Variants in MDM4 observed in about 807,000 individuals in gnomAD.
MDM4 encodes the protein MDM4 regulator of p53, also known as protein Mdm4.
A neutral mutation model predicts 60.2 loss-of-function variants in MDM4; 2 were observed. The ratio of observed to expected loss-of-function variants is 0.03; its 90% CI spans 0.01 to 0.10. The LOEUF (loss-of-function observed/expected upper bound fraction) is 0.10, where lower values mean the gene tolerates loss of function less well. Ranked by LOEUF, MDM4 falls within the 10% of genes least tolerant of loss-of-function variation. MDM4 has a pLI of 1.00. For synonymous variants in MDM4, 202 were observed against 198.1 expected (o/e 1.02, Z -0.17); for missense variants, 447 against 577.5 (o/e 0.77, Z 2.32).
intron 1 of MDM4, among the ~76,000 whole-genome samples, chr1:204,524,497 G>A (rs1659902603): frequency 1.3e-5 from 2 of 152,178 alleles, no homozygotes; most frequent in Non-Finnish European, 1.5e-5. Flanking sequence ...TCTATTTTCC[G>A]GCTGGGCATG....
intron 2 of MDM4, among the ~76,000 whole-genome samples, chr1:204,526,152 A>C (rs1343380044): frequency 6.6e-6 from 1 of 152,014 alleles, no homozygotes; most frequent in Non-Finnish European, 1.5e-5. Context: ...GCTACTCTGG[A>C]GGCTGAAGTG....
At position 204,532,258 on chromosome 1, in the gene MDM4, C is replaced by T; in HGVS notation, c.343+12C>T. The T allele has an allele frequency of 1.3e-6, 2 of 1,531,952 alleles. No individual in the cohort carries two copies. The highest frequency in any genetic ancestry group is 1.8e-6 in the Non-Finnish European group (2 of 1,106,424). The allele number at this position is 1,531,952 out of a possible 1,614,324, so 94.9% of individuals were successfully genotyped here. ...CACTGCTACTACAGGTATGTCACAT[C>T]ATATTTCTTCAGTCTGTATCACAGC... On this transcript the variant is annotated intron_variant, in intron 5 of 10. Transcript: ENST00000367182.
intron 9 of MDM4, among the ~76,000 whole-genome samples, chr1:204,546,470 TG>T (rs1662673132): frequency 6.6e-6 from 1 of 152,206 alleles, no homozygotes; most frequent in Admixed American, 6.5e-5. Flanking sequence ...CCCAAAGTGC[TG>T]AAATTATAGG....
chr1:204,524,690 T>A (rs1399484770), intron 1 of MDM4, among the ~76,000 whole-genome samples: 1 of 152,202 alleles, frequency 6.6e-6, no homozygotes, highest in Non-Finnish European at 1.5e-5. Context: ...GGCAGGAGAA[T>A]CGCTTGAACC....
At chr1:204,534,348 A>G (rs1661172767) in intron 5 of MDM4, among the ~76,000 whole-genome samples, 2 of 152,162 alleles carry the variant, frequency 1.3e-5, no homozygotes, top group Admixed American at 6.5e-5. Flanking sequence ...GGATTTTATA[A>G]TTGCTGATCT....
In MDM4 at chr1:204,557,004, T is replaced by C. The variant is rs1663578858; in HGVS notation, c.*7322T>C. The C allele has an allele frequency of 9.7e-6, 2 of 205,874 alleles. No homozygotes were observed. Among genetic ancestry groups the C allele is most frequent in the Non-Finnish European group, 2.0e-5 (2 of 100,608 alleles). 12.8% of individuals were successfully genotyped at this position (205,874 alleles called of 1,614,324 possible). A position where few individuals can be genotyped will look rare whatever the true frequency, so the allele number is the denominator to read the frequency against. On this transcript the variant is annotated 3_prime_UTR_variant, in exon 11 of 11. Transcript: ENST00000367182. ...CAGTCTTGACGTCCGTATGCCTCAG[T>C]TTTTCTCATATATAAAAAGCAGTAT...
chr1:204,542,226 C>T (rs145520573), intron 7 of MDM4, among the ~76,000 whole-genome samples: 4 of 152,268 alleles, frequency 2.6e-5, no homozygotes, highest in South Asian at 4.2e-4. Context: ...CTAAAACATA[C>T]GAATTATTGA....
chr1:204,539,251 G>C (rs1245204923), intron 7 of MDM4, among the ~76,000 whole-genome samples: 1 of 152,166 alleles, frequency 6.6e-6, no homozygotes, highest in Non-Finnish European at 1.5e-5. Context: ...CTCCTAAAGT[G>C]CTGGGATTAC....
intron 4 of MDM4, 41 bp from the exon 5 acceptor site, chr1:204,532,150 G>A (rs1480954520): frequency 2.6e-6 from 3 of 1,158,650 alleles, no homozygotes; most frequent in South Asian, 2.5e-5. Context: ...CTTCATAGTG[G>A]CATTTGGGGT....
At position 204,552,350 on chromosome 1, in the gene MDM4, TCTCA is replaced by T. The variant is rs1372904931; in HGVS notation, c.*2672_*2675del. ...GTTTTTTTTTTTTTTTTTGAGACAG[TCTCA>T]CTCTGTTGCCCAGGCTGGAGTGCAA... On this transcript the variant is annotated 3_prime_UTR_variant, in exon 11 of 11. Coordinates refer to ENST00000367182, the MANE Select transcript of MDM4 (RefSeq NM_002393.5). The T allele has an allele frequency of 3.1e-5, 4 of 129,438 alleles. No individual in the cohort carries two copies. The highest frequency in any genetic ancestry group is 4.8e-5 in the Non-Finnish European group (3 of 61,976). The allele number at this position is 129,438 out of a possible 1,614,324, so 8.0% of individuals were successfully genotyped here.
In MDM4 at chr1:204,557,274, T is replaced by A. The variant is rs1663592618; in HGVS notation, c.*7592T>A. 1 of 191,152 alleles carries A rather than the reference T, an allele frequency of 5.2e-6. No individual in the cohort carries two copies. The highest frequency in any genetic ancestry group is 1.1e-5 in the Non-Finnish European group (1 of 91,216). The allele number at this position is 191,152 out of a possible 1,614,324, so 11.8% of individuals were successfully genotyped here. A position where few individuals can be genotyped will look rare whatever the true frequency, so the allele number is the denominator to read the frequency against. ...CTTTTACCCATGCTTCTAGTTTAGG[T>A]ATTCTTTCTTTGATATGAGGCTCTT... On this transcript the variant is annotated 3_prime_UTR_variant, in exon 11 of 11. Coordinates refer to ENST00000367182, the MANE Select transcript of MDM4 (RefSeq NM_002393.5).
chr1:204,538,785 G>T (rs907940950), intron 7 of MDM4, among the ~76,000 whole-genome samples: 10 of 149,770 alleles, frequency 6.7e-5, no homozygotes, highest in African/African-American at 2.5e-4. Flanking sequence ...AGCTCACTGC[G>T]ACCTCCACCT....
At chr1:204,526,566 C>G in intron 3 of MDM4, 132 bp downstream of exon 3, 1 of 625,880 alleles carries the variant, frequency 1.6e-6, no homozygotes, top group Non-Finnish European at 2.8e-6. Flanking sequence ...TGGGTTCACG[C>G]CATTCTCCTG....
At chr1:204,530,520 T>G (rs1558318212) in intron 3 of MDM4, among the ~76,000 whole-genome samples, 164 bp from the exon 4 acceptor site, 1 of 152,212 alleles carries the variant, frequency 6.6e-6, no homozygotes, top group Non-Finnish European at 1.5e-5. Context: ...GACCTAGTAG[T>G]TGGGAGCGGC....
Position 204,530,819 on chromosome 1 carries a change from TA to T in MDM4, c.287+7del, listed in dbSNP as rs1660780415. On this transcript the variant is annotated splice_donor_region_variant and intron_variant, in intron 4 of 10. Coordinates refer to ENST00000367182, the MANE Select transcript of MDM4 (RefSeq NM_002393.5). Reference sequence around the variant, plus strand: ...GAGCTTCTCCGTGAAAGACCCAAGGTAAAAACAGTGAGGGCTTGCGTATCTT... The same window carrying T: ...GAGCTTCTCCGTGAAAGACCCAAGGTAAAACAGTGAGGGCTTGCGTATCTT... The T allele has an allele frequency of 6.2e-7, 1 of 1,614,060 alleles. No individual in the cohort carries two copies. Among genetic ancestry groups the T allele is most frequent in the Non-Finnish European group, 8.5e-7 (1 of 1,180,046 alleles).
chr1:204,524,848 G>A (rs1212418724), intron 1 of MDM4, among the ~76,000 whole-genome samples: 2 of 152,182 alleles, frequency 1.3e-5, no homozygotes, highest in Non-Finnish European at 2.9e-5. Context: ...AAAGGTAGGT[G>A]AAAGATTTTC....
Position 204,553,719 on chromosome 1 carries a change from A to G in MDM4, c.*4037A>G, listed in dbSNP as rs1054779715. On this transcript the variant is annotated 3_prime_UTR_variant, in exon 11 of 11. Coordinates refer to ENST00000367182, the MANE Select transcript of MDM4 (RefSeq NM_002393.5). ...ACGATGAATTTCAGTATTACGGCTA[A>G]AAAGTTCTTCTGTCTGAATATTAAC... 1 of 226,608 alleles carries G rather than the reference A, an allele frequency of 4.4e-6. No individual in the cohort carries two copies. The highest frequency in any genetic ancestry group is 8.8e-6 in the Non-Finnish European group (1 of 113,960). 14.0% of individuals were successfully genotyped at this position (226,608 alleles called of 1,614,324 possible). A position where few individuals can be genotyped will look rare whatever the true frequency, so the allele number is the denominator to read the frequency against.
At chr1:204,526,948 A>G (rs1281735990) in intron 3 of MDM4, among the ~76,000 whole-genome samples, 8 of 152,138 alleles carry the variant, frequency 5.3e-5, no homozygotes, top group Non-Finnish European at 1.0e-4. Flanking sequence ...TAAACATAAG[A>G]TGAACCATGA....
chr1:204,530,922 G>C (rs754019598), intron 4 of MDM4, 105 bp downstream of exon 4: 2 of 1,405,368 alleles, frequency 1.4e-6, no homozygotes, highest in African/African-American at 2.9e-5. Context: ...ATATGTAAGA[G>C]CCTACATATG....
Sources: gnomAD v4.1 joint callset for allele counts (sites outside exome capture counted in the v4.1 genomes callset) on GRCh38, gnomAD v4.1.1 for gene constraint, MANE v1.5 for transcripts, NCBI Gene and HGNC (gene_info 2026-07-23, HGNC 2026-07-21) for gene names.